Variants in SPOCK3 observed in about 807,000 individuals in gnomAD.
SPOCK3 encodes the protein testican-3.
SPOCK3 carries 30 observed loss-of-function variants against 56.6 expected under a neutral mutation model. That is an observed-to-expected ratio of 0.53 (90% CI 0.40 to 0.72). The LOEUF is 0.72. Ranked by LOEUF, SPOCK3 falls within the 30% of genes least tolerant of loss-of-function variation. The pLI is 0.00. For synonymous variants in SPOCK3, 196 were observed against 183.3 expected (o/e 1.07, Z -0.56); for missense variants, 527 against 530.0 (o/e 0.99, Z 0.06).
At chr4:167,026,013 C>T (rs950457901) in intron 3 of SPOCK3, among the ~76,000 whole-genome samples, 4 of 152,038 alleles carry the variant, frequency 2.6e-5, no homozygotes, top group African/African-American at 9.7e-5. Flanking sequence ...CATATCTAAA[C>T]ATAGAAAAGG....
intron 3 of SPOCK3, among the ~76,000 whole-genome samples, chr4:167,041,031 T>C (rs1237378760): frequency 6.6e-6 from 1 of 152,188 alleles, no homozygotes; most frequent in Non-Finnish European, 1.5e-5. Context: ...CTCACTGGCA[T>C]AAATGGCCAC....
At chr4:167,105,059 A>G (rs946290890) in intron 2 of SPOCK3, among the ~76,000 whole-genome samples, 3 of 152,090 alleles carry the variant, frequency 2.0e-5, no homozygotes, top group Non-Finnish European at 4.4e-5. Context: ...TAAGACAAAC[A>G]AAAGCTGAGG....
intron 2 of SPOCK3, among the ~76,000 whole-genome samples, chr4:167,197,424 G>C (rs114391017): frequency 0.011 from 1,676 of 152,132 alleles, 16 homozygotes; most frequent in Middle Eastern, 0.044. Context: ...AATTCATGAC[G>C]TGAAATTTAG....
intron 2 of SPOCK3, among the ~76,000 whole-genome samples, chr4:167,074,414 G>A (rs1451550573): frequency 2.6e-5 from 4 of 151,830 alleles, no homozygotes; most frequent in Non-Finnish European, 2.9e-5. Context: ...AATACTTCAC[G>A]TATTTGGGGG....
At chr4:167,047,082 C>A (rs1233990508) in intron 3 of SPOCK3, among the ~76,000 whole-genome samples, 1 of 152,048 alleles carries the variant, frequency 6.6e-6, no homozygotes. Flanking sequence ...TTAACTCTCA[C>A]AAAACAAAGA....
chr4:167,194,224 T>C (rs1485034108), intron 2 of SPOCK3, among the ~76,000 whole-genome samples: 1 of 146,702 alleles, frequency 6.8e-6, no homozygotes, highest in Non-Finnish European at 1.5e-5. Flanking sequence ...TCTGTCATTG[T>C]ATTTTTCAAT....
chr4:167,113,357 G>T (rs1042171721), intron 2 of SPOCK3, among the ~76,000 whole-genome samples: 8 of 148,882 alleles, frequency 5.4e-5, no homozygotes, highest in Admixed American at 2.1e-4. Flanking sequence ...GGCATGGCAG[G>T]AGGGTTCTTC....
chr4:167,216,272 G>T (rs949044750), intron 2 of SPOCK3, among the ~76,000 whole-genome samples: 1 of 151,980 alleles, frequency 6.6e-6, no homozygotes, highest in African/African-American at 2.4e-5. Context: ...CAGATTTTTG[G>T]AAGGCAACTT....
At chr4:166,910,221 A>G (rs1352794681) in intron 5 of SPOCK3, among the ~76,000 whole-genome samples, 1 of 152,298 alleles carries the variant, frequency 6.6e-6, no homozygotes, top group Middle Eastern at 3.4e-3. Context: ...ATTAGAATTA[A>G]CAGAAATAAA....
intron 2 of SPOCK3, among the ~76,000 whole-genome samples, chr4:167,205,558 A>G (rs535525806): frequency 1.8e-5 from 1 of 56,038 alleles, no homozygotes; most frequent in African/African-American, 7.6e-5. Context: ...ATAATATATA[A>G]TATATATTAT....
At chr4:166,877,248 AGAGCCATTTT>A (rs1427000395) in intron 6 of SPOCK3, among the ~76,000 whole-genome samples, 1 of 152,210 alleles carries the variant, frequency 6.6e-6, no homozygotes, top group Admixed American at 6.5e-5. Flanking sequence ...TGAACCTTTC[AGAGCCATTTT>A]AGACTTACTG....
intron 5 of SPOCK3, among the ~76,000 whole-genome samples, chr4:166,901,165 C>T (rs1736005031): frequency 6.6e-6 from 1 of 152,116 alleles, no homozygotes; most frequent in African/African-American, 2.4e-5. Flanking sequence ...GTCTTTCCCA[C>T]CTCCCCTCTC....
chr4:167,046,223 C>T (rs1323317102), intron 3 of SPOCK3, among the ~76,000 whole-genome samples: 4 of 151,834 alleles, frequency 2.6e-5, no homozygotes, highest in Non-Finnish European at 5.9e-5. Flanking sequence ...CTCTTCCTGC[C>T]TGGCTTCTTT....
intron 7 of SPOCK3, among the ~76,000 whole-genome samples, chr4:166,765,991 C>T (rs1737984210): frequency 6.6e-6 from 1 of 151,904 alleles, no homozygotes; most frequent in Admixed American, 6.6e-5. Context: ...CTCTGTTTGC[C>T]TGTTATTGGT....
intron 2 of SPOCK3, among the ~76,000 whole-genome samples, chr4:167,221,496 A>G (rs553358421): frequency 6.6e-6 from 1 of 152,306 alleles, no homozygotes; most frequent in Admixed American, 6.5e-5. Flanking sequence ...GTCGTTTCAA[A>G]CTTCACTGAT....
chr4:166,752,406 A>T (rs1736490902), intron 8 of SPOCK3, among the ~76,000 whole-genome samples: 1 of 152,034 alleles, frequency 6.6e-6, no homozygotes, highest in Non-Finnish European at 1.5e-5. Flanking sequence ...AAACATCATT[A>T]TTTTCCAGTT....
chr4:166,822,999 G>C (rs1745085693), intron 6 of SPOCK3, among the ~76,000 whole-genome samples: 2 of 151,830 alleles, frequency 1.3e-5, no homozygotes. Context: ...TACATACTTA[G>C]GAAGCCATAT....
intron 7 of SPOCK3, among the ~76,000 whole-genome samples, chr4:166,791,136 A>G (rs1469318242): frequency 6.6e-6 from 1 of 152,238 alleles, no homozygotes; most frequent in East Asian, 1.9e-4. Flanking sequence ...TACGCATTCA[A>G]AGACAATTAC....
chr4:166,781,051 G>T (rs139788175), intron 7 of SPOCK3, among the ~76,000 whole-genome samples: 8 of 152,068 alleles, frequency 5.3e-5, no homozygotes, highest in Non-Finnish European at 8.8e-5. Context: ...CTCAACTGCC[G>T]TACTAAAAGC....
Sources: allele counts gnomAD v4.1 joint callset (sites outside exome capture counted in the v4.1 genomes callset), GRCh38; gene constraint gnomAD v4.1.1; transcripts MANE v1.5; gene names NCBI Gene and HGNC (gene_info 2026-07-23, HGNC 2026-07-21).